FMO5: variants seen among roughly 807,000 people sequenced by gnomAD.
FMO5 encodes flavin containing dimethylaniline monoxygenase 5.
A neutral mutation model predicts 43.6 loss-of-function variants in FMO5; 51 were observed. That is an observed-to-expected ratio of 1.17 (90% confidence interval 0.93 to 1.48). FMO5 has a LOEUF of 1.48. Among genes scored for constraint, FMO5 ranks in the 40% most tolerant of loss-of-function variants. The pLI is 0.00. For synonymous variants in FMO5, 187 were observed against 216.5 expected (o/e 0.86, Z 1.20); for missense variants, 644 against 643.0 (o/e 1.00, Z -0.02).
chr1:147,212,388 C>A lies in FMO5; in HGVS notation c.630+5G>T. On this transcript the variant is annotated splice_donor_5th_base_variant and intron_variant, in intron 5 of 8. Transcript: ENST00000254090. ...CAACGTAAATAATAATTGAGTGATT[C>A]AAACCTGCTTGGCTGTTTGGCTAAT... 1 of 1,613,826 alleles carries A rather than the reference C, an allele frequency of 6.2e-7. No individual in the cohort carries two copies. Among genetic ancestry groups the A allele is most frequent in the Non-Finnish European group, 8.5e-7 (1 of 1,179,876 alleles).
chr1:147,197,495 C>T (rs782566260), intron 7 of FMO5, among the ~76,000 whole-genome samples: 1 of 152,078 alleles, frequency 6.6e-6, no homozygotes, highest in Non-Finnish European at 1.5e-5. Flanking sequence ...TGGGAGGGGC[C>T]TGGTGGGAGG....
chr1:147,225,082 CA>C lies in FMO5; in HGVS notation c.-37-17del. The C allele has an allele frequency of 6.2e-7, 1 of 1,611,054 alleles. No homozygotes were observed. Among genetic ancestry groups the C allele is most frequent in the Non-Finnish European group, 8.5e-7 (1 of 1,178,970 alleles). On this transcript the variant is annotated splice_polypyrimidine_tract_variant and intron_variant, in intron 1 of 8. Coordinates refer to ENST00000254090, the MANE Select transcript of FMO5 (RefSeq NM_001461.4). ...GTCGCCTGTCCTAAAGAAAGGATGA[CA>C]AAAGACAAAAAGCACACATCGGTTA... is the stretch of plus-strand genomic sequence containing the variant.
downstream of FMO5, chr1:147,184,510 C>T (rs1553916668): frequency 6.5e-7 from 1 of 1,546,440 alleles, no homozygotes; most frequent in Non-Finnish European, 8.7e-7. The surrounding 1 kb of genome is among the most constrained non-coding windows in gnomAD (Gnocchi z 4.4). Context: ...CCTTAGGCCC[C>T]TTTATTCCGG....
chr1:147,194,455 T>G (rs1322182517), intron 7 of FMO5, among the ~76,000 whole-genome samples: 5 of 152,174 alleles, frequency 3.3e-5, no homozygotes, highest in East Asian at 1.9e-4. Flanking sequence ...TCTTGACTCT[T>G]TATCCAATTT....
At chr1:147,196,166 A>G (rs1281918323) in intron 7 of FMO5, among the ~76,000 whole-genome samples, 1 of 152,146 alleles carries the variant, frequency 6.6e-6, no homozygotes, top group African/African-American at 2.4e-5. Flanking sequence ...TTCACTAAGC[A>G]TACTCTAATA....
In FMO5 at chr1:147,205,052, C is replaced by T. The variant is rs906129226; in HGVS notation, c.831-3548G>A. 2.1e-4 allele frequency: 136 copies of T among 645,238 alleles called. No homozygotes were observed. The Middle Eastern group carries it at 2.9e-3, about 14-fold the overall frequency. The allele number at this position is 645,238 out of a possible 1,614,324, so 40.0% of individuals were successfully genotyped here. ...CACTCTTCCATCTTTGCTATATAGT[C>T]CAGCCATACCAGACTACATGCAAGT... On this transcript the variant is annotated intron_variant, in intron 6 of 8. Transcript: ENST00000254090.
chr1:147,185,266 T>C (rs587711043), downstream of FMO5, among the ~76,000 whole-genome samples: 1 of 152,202 alleles, frequency 6.6e-6, no homozygotes, highest in African/African-American at 2.4e-5. Context: ...GAAACTGGTG[T>C]ACTTATTGCT....
intron 6 of FMO5, among the ~76,000 whole-genome samples, chr1:147,206,528 G>C (rs1398142166): frequency 7.9e-5 from 12 of 152,154 alleles, no homozygotes; most frequent in Admixed American, 6.5e-5. Context: ...GTCCAACAAT[G>C]ATAGACTGGA....
intron 2 of FMO5, among the ~76,000 whole-genome samples, chr1:147,220,334 C>T (rs1001771322): frequency 6.6e-6 from 1 of 152,128 alleles, no homozygotes. Context: ...GATTCATAGA[C>T]TAGAAGATTA....
intron 3 of FMO5, chr1:147,214,645 T>C (rs1166834333): frequency 2.0e-5 from 3 of 152,100 alleles, no homozygotes; most frequent in African/African-American, 2.4e-5. Flanking sequence ...CTTTATCTTC[T>C]TTAAGAAAAC....
intron 6 of FMO5, among the ~76,000 whole-genome samples, chr1:147,205,606 A>C (rs1371032539): frequency 6.6e-6 from 1 of 152,200 alleles, no homozygotes; most frequent in Admixed American, 6.5e-5. Flanking sequence ...CTCAGAAATA[A>C]TACCACATAT....
At chr1:147,219,442 A>G (rs11239944) in intron 2 of FMO5, among the ~76,000 whole-genome samples, 21,718 of 152,012 alleles carry the variant, frequency 0.14, 1,523 homozygotes, top group South Asian at 0.18. Context: ...CCCATTCATG[A>G]TGAAAACTCT....
At chr1:147,193,685 C>G (rs1657358409) in intron 7 of FMO5, among the ~76,000 whole-genome samples, 1 of 152,100 alleles carries the variant, frequency 6.6e-6, no homozygotes, top group African/African-American at 2.4e-5. Context: ...TAAATGTGTT[C>G]CAGAGATTCT....
chr1:147,194,440 T>A (rs1488701317), intron 7 of FMO5, among the ~76,000 whole-genome samples: 2 of 152,270 alleles, frequency 1.3e-5, no homozygotes, highest in African/African-American at 2.4e-5. Context: ...CAGCACACTG[T>A]TGGGTCTTGA....
intron 6 of FMO5, among the ~76,000 whole-genome samples, chr1:147,202,836 T>G (rs916617022): frequency 2.8e-4 from 43 of 152,164 alleles, no homozygotes; most frequent in Non-Finnish European, 5.1e-4. Context: ...TCCATCCATA[T>G]AGTTGCCCAA....
intron 6 of FMO5, among the ~76,000 whole-genome samples, chr1:147,206,461 C>T (rs1193598863): frequency 1.3e-5 from 2 of 152,164 alleles, no homozygotes; most frequent in African/African-American, 4.8e-5. Flanking sequence ...GACACATGCA[C>T]ACGTATGTTT....
intron 6 of FMO5, among the ~76,000 whole-genome samples, chr1:147,202,611 C>G (rs1177727793): frequency 1.3e-5 from 2 of 152,258 alleles, no homozygotes; most frequent in South Asian, 2.1e-4. Flanking sequence ...AGCCACAGCA[C>G]CTGGCCTAAA....
intron 7 of FMO5, among the ~76,000 whole-genome samples, chr1:147,198,850 C>CAAAAAAAAAA (rs151035141): frequency 7.6e-4 from 39 of 51,650 alleles, no homozygotes; most frequent in Non-Finnish European, 8.4e-4. Flanking sequence ...GACTGCATCT[C>CAAAAAAAAAA]AAAAAAAAAA....
intron 6 of FMO5, chr1:147,205,069 C>T: frequency 1.6e-6 from 1 of 623,054 alleles, no homozygotes; most frequent in Non-Finnish European, 2.8e-6. Flanking sequence ...TACCAGACTA[C>T]ATGCAAGTCC....
Sources: gnomAD v4.1 joint callset for allele counts (sites outside exome capture counted in the v4.1 genomes callset) on GRCh38, gnomAD v4.1.1 for gene constraint, Gnocchi (gnomAD v3.1) non-coding constraint, MANE v1.5 for transcripts, NCBI Gene and HGNC (gene_info 2026-07-23, HGNC 2026-07-21) for gene names.